DOCK8: variants seen among roughly 807,000 people sequenced by gnomAD.
The protein encoded by DOCK8 is dedicator of cytokinesis protein 8.
DOCK8 carries 141 observed loss-of-function variants against 245.6 expected under a neutral mutation model. That is an observed-to-expected ratio of 0.57 (90% CI 0.50 to 0.66). The LOEUF is 0.66. Among genes scored for constraint, DOCK8 ranks in the 30% least tolerant of loss-of-function variants. DOCK8 has a pLI of 0.00. For missense variants in DOCK8, 2,965 were observed against 2,603.4 expected, an observed-to-expected ratio of 1.14 and a Z score of -3.02; for synonymous variants, 1,168 against 970.2, an observed-to-expected ratio of 1.20 and a Z score of -3.79.
chr9:386,559 A>C lies in DOCK8; in HGVS notation c.2874+133A>C, dbSNP rs12551444. The C allele has an allele frequency of 0.24, 174,308 of 735,970 alleles. 22,256 individuals are homozygous for C. Among genetic ancestry groups the C allele is most frequent in the South Asian group, 0.28 (18,627 of 67,666 alleles). 45.6% of individuals were successfully genotyped at this position (735,970 alleles called of 1,614,324 possible). A position where few individuals can be genotyped will look rare whatever the true frequency, so the allele number is the denominator to read the frequency against. On this transcript the variant is annotated intron_variant, in intron 23 of 47. Transcript: ENST00000432829. Reference sequence around the variant, plus strand: ...TGATGTGCTAACACACACACACCCCACACACACTTTTGCAGCCCTGTCCTT... The same window carrying C: ...TGATGTGCTAACACACACACACCCCCCACACACTTTTGCAGCCCTGTCCTT...
chr9:304,676 C>A lies in DOCK8; in HGVS notation c.500C>A (p.Thr167Asn), dbSNP rs769937323. ...CCGAAACAGACGTTTGAGTCGGAAA[C>A]CTTGGAGTGCAGTGAACCCGCTGCT... ...TLPKQTFESE[T>N]LECSEPAAQA... The change falls in exon 5 of 48, where the codon ACC becomes AAC. Residue 167 changes from threonine (T) to asparagine (N), a missense_variant. This residue lies in a region of DOCK8 where 2,825 missense variants were observed against 2,453.5 expected (regional missense o/e 1.15). Transcript: ENST00000432829. The A allele has an allele frequency of 6.2e-6, 10 of 1,613,984 alleles. 1 individual carries two copies. The South Asian group carries it at 9.9e-5, about 16-fold the overall frequency.
At chr9:365,572 G>A in intron 14 of DOCK8, 1 of 451,628 alleles carries the variant, frequency 2.2e-6, no homozygotes, top group Non-Finnish European at 4.4e-6. Context: ...GTTCAGAGAA[G>A]GCTTTTTTTT....
chr9:355,628 G>C (rs763879149), intron 14 of DOCK8, among the ~76,000 whole-genome samples: 1 of 152,236 alleles, frequency 6.6e-6, no homozygotes, highest in South Asian at 2.1e-4. Flanking sequence ...AAAGAAATAA[G>C]CCTGCAAAAT....
At chr9:425,456 C>CA (rs2056452538) in intron 33 of DOCK8, among the ~76,000 whole-genome samples, 1 of 148,770 alleles carries the variant, frequency 6.7e-6, no homozygotes, top group Non-Finnish European at 1.5e-5. Flanking sequence ...GGCGTGAACC[C>CA]GGGAAGTGGA....
intron 13 of DOCK8, among the ~76,000 whole-genome samples, chr9:339,671 C>G (rs1406294973): frequency 6.6e-6 from 1 of 152,168 alleles, no homozygotes; most frequent in Non-Finnish European, 1.5e-5. Context: ...CCTGCCACCA[C>G]GCCCAGCTTA....
chr9:429,919 T>C, intron 36 of DOCK8, 65 bp downstream of exon 36: 3 of 1,586,880 alleles, frequency 1.9e-6, no homozygotes, highest in Non-Finnish European at 2.6e-6. Context: ...AAGCATCAGC[T>C]GCGAAAAAAA....
At chr9:258,590 CTCTT>C (rs1409723324) in intron 1 of DOCK8, among the ~76,000 whole-genome samples, 1 of 126,454 alleles carries the variant, frequency 7.9e-6, no homozygotes, top group African/African-American at 3.0e-5. Flanking sequence ...CCTGAAGAGA[CTCTT>C]TTTTTTTTTT....
At chr9:221,770 C>T (rs1462023997) in intron 1 of DOCK8, among the ~76,000 whole-genome samples, 1 of 150,936 alleles carries the variant, frequency 6.6e-6, no homozygotes, top group Admixed American at 6.6e-5. Flanking sequence ...TGCAGTGAGC[C>T]GAGATCGCAC....
chr9:249,847 C>G (rs1039357236), intron 1 of DOCK8, among the ~76,000 whole-genome samples: 1 of 150,780 alleles, frequency 6.6e-6, no homozygotes, highest in Non-Finnish European at 1.5e-5. Context: ...AGGTTGGTCT[C>G]GAACTCCTGA....
At chr9:304,516 T>G in intron 4 of DOCK8, 65 bp from the exon 5 acceptor site, 1 of 1,603,954 alleles carries the variant, frequency 6.2e-7, no homozygotes, top group Non-Finnish European at 8.5e-7. Flanking sequence ...CTTTTATTTT[T>G]AATCTAATGG....
intron 9 of DOCK8, among the ~76,000 whole-genome samples, chr9:330,348 A>T (rs1299068855): frequency 1.3e-5 from 2 of 152,174 alleles, no homozygotes; most frequent in African/African-American, 4.8e-5. Context: ...ATCCTTATGT[A>T]AGGGCCACAT....
rs10969223 is a variant in DOCK8 at position 305,216 on chromosome 9, A to G, written c.528+512A>G. The stretch of plus-strand genomic sequence containing the variant: ...GAGTTAATATCCATAAAGAATTAGA[A>G]TAATGCCAAGTACACTTAGTGCCTA... On this transcript the variant is annotated intron_variant, in intron 5 of 47. Transcript: ENST00000432829. Among the ~76,000 whole-genome samples, 36 of 152,348 alleles carry G rather than the reference A, an allele frequency of 2.4e-4. No homozygotes were observed. The East Asian group carries it at 6.8e-3, about 29-fold the overall frequency.
intron 15 of DOCK8, chr9:370,001 C>T (rs2053211395): frequency 1.8e-6 from 1 of 570,432 alleles, no homozygotes; most frequent in African/African-American, 1.9e-5. Flanking sequence ...TGAGGTTTCG[C>T]CATGTTGCCC....
intron 33 of DOCK8, among the ~76,000 whole-genome samples, chr9:424,020 A>G (rs535598738): frequency 6.6e-6 from 1 of 150,994 alleles, no homozygotes; most frequent in South Asian, 2.1e-4. Flanking sequence ...GCTGGTTGTC[A>G]GAGCTAATGA....
At chr9:238,034 G>A (rs1368633567) in intron 1 of DOCK8, among the ~76,000 whole-genome samples, 1 of 152,126 alleles carries the variant, frequency 6.6e-6, no homozygotes, top group Non-Finnish European at 1.5e-5. Context: ...GATGAGTCAC[G>A]TTACTTTTTG....
chr9:307,706 A>G (rs1056458636), intron 5 of DOCK8, among the ~76,000 whole-genome samples: 2 of 152,200 alleles, frequency 1.3e-5, no homozygotes, highest in African/African-American at 4.8e-5. Context: ...CAGCAGTCTC[A>G]CTACTAGATA....
chr9:426,804 C>T (rs1213402454), intron 33 of DOCK8, 81 bp from the exon 34 acceptor site: 23 of 1,104,084 alleles, frequency 2.1e-5, no homozygotes, highest in South Asian at 1.0e-4. Context: ...GATTTCTTTA[C>T]ACCTTGGTGT....
chr9:222,757 G>T (rs983156179), intron 1 of DOCK8, among the ~76,000 whole-genome samples: 2 of 152,102 alleles, frequency 1.3e-5, no homozygotes, highest in African/African-American at 4.8e-5. Flanking sequence ...TTTAATAGGT[G>T]GATTAATGAT....
At chr9:306,050 C>G (rs76912124) in intron 5 of DOCK8, among the ~76,000 whole-genome samples, 2,573 of 152,236 alleles carry the variant, frequency 0.017, 71 homozygotes, top group African/African-American at 0.058. Context: ...TTTAACACTA[C>G]TGAGCTGTCC....
Sources: allele counts gnomAD v4.1 joint callset (sites outside exome capture counted in the v4.1 genomes callset), GRCh38; gene constraint gnomAD v4.1.1; regional missense constraint gnomAD v4.1.1; transcripts MANE v1.5; gene names NCBI Gene and HGNC (gene_info 2026-07-23, HGNC 2026-07-21).